The following WDPCP variants were observed in gnomAD, a reference collection of about 807,000 sequenced individuals.
The protein encoded by WDPCP is WD repeat containing planar cell polarity effector, also known as WD repeat-containing and planar cell polarity effector protein fritz homolog.
Under a neutral mutation model 93.1 loss-of-function variants are expected in WDPCP, and 71 were observed. The observed-to-expected ratio is 0.76, with a 90% CI of 0.63 to 0.93. The LOEUF (loss-of-function observed/expected upper bound fraction) is 0.93. WDPCP is among the 40% of genes least tolerant of loss of function. The pLI, the probability that WDPCP is intolerant of heterozygous loss-of-function variation, is 0.00. For synonymous variants in WDPCP, 315 were observed against 315.0 expected, an observed-to-expected ratio of 1.00 and a Z score of 0.00; for missense variants, 844 against 887.4, an observed-to-expected ratio of 0.95 and a Z score of 0.62.
chr2:63,487,259 G>A (rs1437012048), intron 3 of WDPCP, among the ~76,000 whole-genome samples, 188 bp downstream of exon 3: 1 of 151,828 alleles, frequency 6.6e-6, no homozygotes, highest in Non-Finnish European at 1.5e-5. Flanking sequence ...GCATTTTCTC[G>A]ATACTACTTT....
chr2:63,346,645 C>T (rs1003385437), intron 12 of WDPCP, among the ~76,000 whole-genome samples: 1 of 152,178 alleles, frequency 6.6e-6, no homozygotes, highest in Non-Finnish European at 1.5e-5. Context: ...TCTATGAATG[C>T]ATAGCTCAGA....
At chr2:63,506,098 G>C (rs906689028) in intron 1 of WDPCP, among the ~76,000 whole-genome samples, 2 of 152,032 alleles carry the variant, frequency 1.3e-5, no homozygotes, top group Non-Finnish European at 2.9e-5. Context: ...TATCAAGCAT[G>C]TGATCCACAC....
intron 3 of WDPCP, among the ~76,000 whole-genome samples, chr2:63,618,980 C>G (rs1040458944): frequency 6.6e-6 from 1 of 152,106 alleles, no homozygotes; most frequent in Non-Finnish European, 1.5e-5. Context: ...TGAGCCACTG[C>G]GTCCAGCCTG....
At chr2:63,586,058 C>T (rs910954299) in intron 1 of WDPCP, among the ~76,000 whole-genome samples, 7 of 151,988 alleles carry the variant, frequency 4.6e-5, no homozygotes, top group Non-Finnish European at 1.0e-4. Context: ...TCAAACTCTT[C>T]GACTCAAGCA....
chr2:63,175,294 T>A (rs1673723649), intron 14 of WDPCP, among the ~76,000 whole-genome samples: 1 of 152,136 alleles, frequency 6.6e-6, no homozygotes, highest in African/African-American at 2.4e-5. Flanking sequence ...ATCTTAGAGA[T>A]GTACAGAGGT....
intron 6 of WDPCP, among the ~76,000 whole-genome samples, chr2:63,455,816 C>A (rs1698587643): frequency 6.6e-6 from 1 of 152,178 alleles, no homozygotes; most frequent in Admixed American, 6.5e-5. Context: ...TTAAACCAGA[C>A]TTTAGACCAA....
chr2:63,762,174 C>A (rs1380371563), intron 2 of WDPCP, among the ~76,000 whole-genome samples: 1 of 152,030 alleles, frequency 6.6e-6, no homozygotes, highest in Non-Finnish European at 1.5e-5. Context: ...TCCAAGTGGT[C>A]GGGCAGGAGA....
chr2:63,706,273 T>C (rs899318448), intron 2 of WDPCP, among the ~76,000 whole-genome samples: 2 of 152,238 alleles, frequency 1.3e-5, no homozygotes, highest in East Asian at 1.9e-4. Flanking sequence ...TGCCTTTTAA[T>C]TGGAGCATTT....
chr2:63,189,493 T>C (rs557941171), intron 14 of WDPCP, among the ~76,000 whole-genome samples: 3 of 152,316 alleles, frequency 2.0e-5, no homozygotes, highest in Non-Finnish European at 2.9e-5. Context: ...CATAGAAAAA[T>C]GAGGGCCTGG....
intron 17 of WDPCP, among the ~76,000 whole-genome samples, chr2:63,150,002 T>C (rs1034608363): frequency 6.8e-6 from 1 of 147,890 alleles, no homozygotes; most frequent in African/African-American, 2.5e-5. Flanking sequence ...CTCTTTCTCT[T>C]AAAAAAAAAA....
intron 2 of WDPCP, among the ~76,000 whole-genome samples, chr2:63,709,891 T>G (rs546789169): frequency 2.6e-5 from 4 of 152,284 alleles, no homozygotes; most frequent in African/African-American, 9.6e-5. Context: ...TTTGGGTTTG[T>G]GAAAGCAATG....
At chr2:63,711,882 T>C (rs1224027861) in intron 2 of WDPCP, among the ~76,000 whole-genome samples, 1 of 152,372 alleles carries the variant, frequency 6.6e-6, no homozygotes, top group Admixed American at 6.5e-5. Flanking sequence ...ACCTTTTGGA[T>C]TGATACTGGA....
At chr2:63,835,508 GA>G in the WDPCP span, among the ~76,000 whole-genome samples, 1 of 151,676 alleles carries the variant, frequency 6.6e-6, no homozygotes, top group African/African-American at 2.4e-5. Flanking sequence ...TTTTGATGGA[GA>G]GGGGTAGCAA....
chr2:63,715,456 C>A (rs1004060375), intron 2 of WDPCP, among the ~76,000 whole-genome samples: 1 of 152,212 alleles, frequency 6.6e-6, no homozygotes, highest in African/African-American at 2.4e-5. Context: ...TGAGAAGCTA[C>A]TTTAGCTACC....
intron 13 of WDPCP, among the ~76,000 whole-genome samples, chr2:63,282,391 G>C (rs1683633049): frequency 6.6e-6 from 1 of 152,162 alleles, no homozygotes. Flanking sequence ...TGTAGTCCCA[G>C]CTACTCAGGA....
intron 2 of WDPCP, among the ~76,000 whole-genome samples, chr2:63,489,513 A>T (rs1700749743): frequency 6.6e-6 from 1 of 152,254 alleles, no homozygotes; most frequent in South Asian, 2.1e-4. Context: ...GCCCTCTAAA[A>T]GGAACAAAGC....
intron 17 of WDPCP, among the ~76,000 whole-genome samples, chr2:63,148,682 A>T (rs867271030): frequency 6.6e-6 from 1 of 152,034 alleles, no homozygotes. Flanking sequence ...TTTTCTGTCC[A>T]CTAAAAAAGT....
intron 4 of WDPCP, among the ~76,000 whole-genome samples, chr2:63,486,306 T>C (rs923190631): frequency 6.6e-6 from 1 of 151,908 alleles, no homozygotes; most frequent in African/African-American, 2.4e-5. Context: ...TATAGTTCAT[T>C]ATGAAATTTT....
intron 13 of WDPCP, among the ~76,000 whole-genome samples, chr2:63,260,053 T>C (rs1181576107): frequency 6.6e-6 from 1 of 152,198 alleles, no homozygotes; most frequent in Non-Finnish European, 1.5e-5. Flanking sequence ...AACTGATCTC[T>C]GATGGTAGTC....
Sources: gnomAD v4.1 joint callset for allele counts (sites outside exome capture counted in the v4.1 genomes callset) on GRCh38, gnomAD v4.1.1 for gene constraint, MANE v1.5 for transcripts, NCBI Gene and HGNC (gene_info 2026-07-23, HGNC 2026-07-21) for gene names.